The following NARS2 variants were observed in gnomAD, a reference collection of about 807,000 sequenced individuals.
NARS2 encodes the protein asparaginyl-tRNA synthetase 2, mitochondrial, also known as asparaginyl-tRNA synthetase.
Under a neutral mutation model 62.9 loss-of-function variants are expected in NARS2, and 60 were observed. The ratio of observed to expected loss-of-function variants is 0.95; its 90% CI spans 0.77 to 1.18. NARS2 has a LOEUF of 1.18. NARS2 is among the 50% of genes most tolerant of loss of function. The pLI is 0.00. For synonymous variants in NARS2, 196 were observed against 200.0 expected, an observed-to-expected ratio of 0.98 and a Z score of 0.17; for missense variants, 619 against 576.4, an observed-to-expected ratio of 1.07 and a Z score of -0.76.
chr11:78,494,478 T>TC (rs1271336604), intron 6 of NARS2, among the ~76,000 whole-genome samples: 4 of 149,858 alleles, frequency 2.7e-5, no homozygotes, highest in African/African-American at 9.7e-5. Flanking sequence ...TCTTTTTTTT[T>TC]TTTTTTTTAG....
intron 5 of NARS2, among the ~76,000 whole-genome samples, chr11:78,529,569 T>C (rs1274393083): frequency 6.6e-6 from 1 of 152,210 alleles, no homozygotes; most frequent in African/African-American, 2.4e-5. Flanking sequence ...AACAAGCCAT[T>C]CAACATTTGT....
At chr11:78,440,949 A>C (rs2135134249) in intron 13 of NARS2, 142 bp downstream of exon 13, 1 of 681,964 alleles carries the variant, frequency 1.5e-6, no homozygotes, top group Non-Finnish European at 2.5e-6. Flanking sequence ...CTGAGCCCCC[A>C]ACCCCTTCCC....
At chr11:78,477,125 G>A (rs1859133774) in intron 9 of NARS2, among the ~76,000 whole-genome samples, 1 of 152,102 alleles carries the variant, frequency 6.6e-6, no homozygotes, top group Non-Finnish European at 1.5e-5. Flanking sequence ...ATAGGAGCTG[G>A]AAAACTAAGA....
At chr11:78,462,538 G>A (rs11237510) in intron 11 of NARS2, among the ~76,000 whole-genome samples, 34,124 of 152,052 alleles carry the variant, frequency 0.22, 4,152 homozygotes, top group East Asian at 0.41. Context: ...TTATAAAACA[G>A]TCTGCAGTCT....
chr11:78,480,911 C>G (rs1348831827), intron 7 of NARS2, among the ~76,000 whole-genome samples: 1 of 151,820 alleles, frequency 6.6e-6, no homozygotes, highest in Non-Finnish European at 1.5e-5. Context: ...CGCCATCTCC[C>G]AGGTTCAAGC....
chr11:78,544,780 C>G (rs1390331587), intron 5 of NARS2, among the ~76,000 whole-genome samples: 2 of 116,730 alleles, frequency 1.7e-5, no homozygotes, highest in South Asian at 5.6e-4. Context: ...GGCGATAGAG[C>G]GAGACTCCGT....
At position 78,571,242 on chromosome 11, in the gene NARS2, CA is replaced by C. The variant is rs993216056; in HGVS notation, c.251+92del. ...AGCAGATCTGTTTCAAAAGATTACT[CA>C]GGGGTCCAACGTAAACACTGGAGTA... On this transcript the variant is annotated intron_variant, in intron 2 of 13. Coordinates refer to ENST00000281038, the MANE Select transcript of NARS2 (RefSeq NM_024678.6). 3 of 721,880 alleles carry C rather than the reference CA, an allele frequency of 4.2e-6. No homozygotes were observed. In the East Asian group the frequency reaches 7.8e-5, roughly 19 times the overall value. 44.7% of individuals were successfully genotyped at this position (721,880 alleles called of 1,614,324 possible). A position where few individuals can be genotyped will look rare whatever the true frequency, so the allele number is the denominator to read the frequency against.
intron 5 of NARS2, among the ~76,000 whole-genome samples, chr11:78,552,345 A>G (rs537675131): frequency 4.9e-4 from 75 of 152,258 alleles, no homozygotes; most frequent in African/African-American, 1.7e-3. Flanking sequence ...ATGGCTGCAT[A>G]ATATTCTACG....
chr11:78,574,228 C>T (rs1590884840), intron 1 of NARS2, 120 bp downstream of exon 1: 1 of 1,346,994 alleles, frequency 7.4e-7, no homozygotes, highest in Non-Finnish European at 1.1e-6. Context: ...GACGCCTACA[C>T]TTTCTAACTT....
intron 5 of NARS2, among the ~76,000 whole-genome samples, chr11:78,558,103 A>G (rs1856430343): frequency 6.6e-6 from 1 of 152,134 alleles, no homozygotes; most frequent in African/African-American, 2.4e-5. Flanking sequence ...TATGCAGAAA[A>G]TTAAAGTGCA....
chr11:78,446,476 G>A (rs1340665540), intron 11 of NARS2, among the ~76,000 whole-genome samples: 1 of 152,052 alleles, frequency 6.6e-6, no homozygotes, highest in Non-Finnish European at 1.5e-5. Flanking sequence ...TTTTAGATAT[G>A]GCTAAAATAT....
At chr11:78,484,278 A>T (rs1267961140) in intron 7 of NARS2, among the ~76,000 whole-genome samples, 1 of 152,222 alleles carries the variant, frequency 6.6e-6, no homozygotes, top group Admixed American at 6.5e-5. Context: ...ACCCAAAACC[A>T]TAAAAACCCT....
chr11:78,560,771 C>A (rs981302188), intron 4 of NARS2, among the ~76,000 whole-genome samples: 1 of 152,234 alleles, frequency 6.6e-6, no homozygotes, highest in Non-Finnish European at 1.5e-5. Context: ...TACACTTAAT[C>A]TGACAGCAAC....
chr11:78,546,559 T>C (rs981898198), intron 5 of NARS2: 1 of 152,254 alleles, frequency 6.6e-6, no homozygotes, highest in Non-Finnish European at 1.5e-5. Context: ...GGAAAGAGAT[T>C]CTTTGTTCAC....
At chr11:78,482,558 A>AT (rs1394690849) in intron 7 of NARS2, among the ~76,000 whole-genome samples, 1 of 152,198 alleles carries the variant, frequency 6.6e-6, no homozygotes, top group South Asian at 2.1e-4. Flanking sequence ...TGATAAAGGG[A>AT]TATCACCACA....
At chr11:78,451,616 T>C (rs1430982030) in intron 11 of NARS2, among the ~76,000 whole-genome samples, 1 of 152,058 alleles carries the variant, frequency 6.6e-6, no homozygotes, top group African/African-American at 2.4e-5. Context: ...CCAAGGACAA[T>C]AAAGACAGGA....
At chr11:78,494,052 T>C (rs1467778513) in intron 6 of NARS2, among the ~76,000 whole-genome samples, 1 of 152,222 alleles carries the variant, frequency 6.6e-6, no homozygotes, top group African/African-American at 2.4e-5. Context: ...TTTCAATCAA[T>C]GGTGAATGAC....
At chr11:78,499,132 G>A (rs1015910788) in intron 6 of NARS2, among the ~76,000 whole-genome samples, 2 of 151,822 alleles carry the variant, frequency 1.3e-5, no homozygotes, top group Non-Finnish European at 2.9e-5. Flanking sequence ...TAGCCAGGAT[G>A]GTCTTGATCT....
At chr11:78,480,879 T>C (rs879281022) in intron 7 of NARS2, among the ~76,000 whole-genome samples, 1 of 151,732 alleles carries the variant, frequency 6.6e-6, no homozygotes, top group Admixed American at 6.6e-5. Context: ...AGTGCAGTGG[T>C]GCCATCTCAG....
Sources: allele counts gnomAD v4.1 joint callset (sites outside exome capture counted in the v4.1 genomes callset), GRCh38; gene constraint gnomAD v4.1.1; transcripts MANE v1.5; gene names NCBI Gene and HGNC (gene_info 2026-07-23, HGNC 2026-07-21).